The following JAZF1 variants were observed in gnomAD, a reference collection of about 807,000 sequenced individuals.
JAZF1 encodes the protein JAZF zinc finger 1.
JAZF1 carries 8 observed loss-of-function variants against 26.4 expected under a neutral mutation model. The observed-to-expected ratio is 0.30, with a 90% CI of 0.18 to 0.55. The LOEUF (loss-of-function observed/expected upper bound fraction) is 0.55, where lower values mean the gene tolerates loss of function less well. Ranked by LOEUF, JAZF1 falls within the 20% of genes least tolerant of loss-of-function variation. JAZF1 has a pLI of 0.94. For synonymous variants in JAZF1, 126 were observed against 122.3 expected (o/e 1.03, Z -0.20); for missense variants, 199 against 322.0 (o/e 0.62, Z 2.92).
At chr7:28,080,058 C>T (rs912663113) in intron 1 of JAZF1, among the ~76,000 whole-genome samples, 3 of 152,176 alleles carry the variant, frequency 2.0e-5, no homozygotes, top group Non-Finnish European at 4.4e-5. Context: ...TATTTTATTG[C>T]TAAAAAATAC....
At chr7:27,982,465 G>A (rs1430539848) in intron 2 of JAZF1, among the ~76,000 whole-genome samples, 3 of 152,212 alleles carry the variant, frequency 2.0e-5, no homozygotes, top group African/African-American at 4.8e-5. Flanking sequence ...GCTCGAACTC[G>A]GTGGAGGCCA....
At chr7:27,994,016 CT>C (rs897712585) in intron 1 of JAZF1, among the ~76,000 whole-genome samples, 20 of 150,660 alleles carry the variant, frequency 1.3e-4, no homozygotes, top group Non-Finnish European at 2.2e-4. Flanking sequence ...CTAAAGATTT[CT>C]TTTTTTCTCA....
At position 27,831,087 on chromosome 7, in the gene JAZF1, C is replaced by A. The variant is rs1215488476; in HGVS notation, c.*1713G>T. ...CTAGTTGCGTCTCATGTCTGGATCACCCTTTTAAACATAGGATAACACTGT... is the reference window on the plus strand; with the variant it reads ...CTAGTTGCGTCTCATGTCTGGATCAACCTTTTAAACATAGGATAACACTGT... On this transcript the variant is annotated 3_prime_UTR_variant, in exon 5 of 5. Transcript: ENST00000283928. 4.5e-6 allele frequency: 1 copy of A among 223,006 alleles called. No individual in the cohort carries two copies. The highest frequency in any genetic ancestry group is 9.0e-6 in the Non-Finnish European group (1 of 111,486). 13.8% of individuals were successfully genotyped at this position (223,006 alleles called of 1,614,324 possible). A position where few individuals can be genotyped will look rare whatever the true frequency, so the allele number is the denominator to read the frequency against.
In JAZF1 at chr7:27,832,186, A is replaced by ATAATATG. The variant is rs1782717434; in HGVS notation, c.*613_*614insCATATTA. On this transcript the variant is annotated 3_prime_UTR_variant, in exon 5 of 5. Transcript: ENST00000283928. ...TTTCAGCTTTTTAAAGGGCAAAAGG[A>ATAATATG]TTTGCAAGATAATATAAAACACAGA... 1 of 211,318 alleles carries ATAATATG rather than the reference A, an allele frequency of 4.7e-6. No individual in the cohort carries two copies. The highest frequency in any genetic ancestry group is 1.9e-4 in the South Asian group (1 of 5,340). 13.1% of individuals were successfully genotyped at this position (211,318 alleles called of 1,614,324 possible). A position where few individuals can be genotyped will look rare whatever the true frequency, so the allele number is the denominator to read the frequency against.
intron 1 of JAZF1, among the ~76,000 whole-genome samples, chr7:28,131,323 A>T (rs1782789935): frequency 2.0e-5 from 3 of 152,160 alleles, no homozygotes; most frequent in Non-Finnish European, 4.4e-5. Flanking sequence ...TAAAAAAAAA[A>T]AAATCTAAAT....
intron 3 of JAZF1, among the ~76,000 whole-genome samples, chr7:27,857,749 A>T (rs1359910912): frequency 6.6e-6 from 1 of 152,234 alleles, no homozygotes; most frequent in Non-Finnish European, 1.5e-5. Flanking sequence ...CTCTCAAAAT[A>T]ATAAGAGCTA....
At chr7:28,164,961 G>A (rs1484449719) in intron 1 of JAZF1, among the ~76,000 whole-genome samples, 2 of 152,168 alleles carry the variant, frequency 1.3e-5, no homozygotes, top group East Asian at 3.8e-4. Context: ...TTTAGCCCAG[G>A]AGTTTGAGAC....
chr7:28,086,869 G>C (rs1784219634), intron 1 of JAZF1, among the ~76,000 whole-genome samples: 1 of 152,096 alleles, frequency 6.6e-6, no homozygotes, highest in East Asian at 1.9e-4. Context: ...AATATCCTTA[G>C]AAGTAGAATT....
chr7:28,090,630 C>T (rs886794908), intron 1 of JAZF1, among the ~76,000 whole-genome samples: 3 of 152,162 alleles, frequency 2.0e-5, no homozygotes, highest in East Asian at 1.9e-4. Context: ...AGTACTCCCA[C>T]ATAATAGAGA....
intron 2 of JAZF1, among the ~76,000 whole-genome samples, chr7:27,921,851 T>A (rs1006035981): frequency 2.6e-5 from 4 of 152,108 alleles, no homozygotes; most frequent in Admixed American, 1.3e-4. Context: ...TGTAGTGAGA[T>A]CCTGTCTCTA....
chr7:27,917,201 G>A (rs749606250), intron 2 of JAZF1, among the ~76,000 whole-genome samples: 3 of 152,152 alleles, frequency 2.0e-5, no homozygotes, highest in Non-Finnish European at 4.4e-5. Context: ...TTATTTATCT[G>A]CATATTTCAG....
intron 1 of JAZF1, among the ~76,000 whole-genome samples, chr7:28,069,613 G>T (rs1032992541): frequency 3.9e-5 from 6 of 152,138 alleles, no homozygotes; most frequent in African/African-American, 1.2e-4. Flanking sequence ...CAGGTTCAAA[G>T]GGCAGAAGAG....
intron 2 of JAZF1, among the ~76,000 whole-genome samples, chr7:27,917,555 A>G (rs764224090): frequency 1.4e-4 from 22 of 152,134 alleles, no homozygotes; most frequent in Non-Finnish European, 2.8e-4. Context: ...AAGATTTACC[A>G]CCTGAACACA....
intron 3 of JAZF1, among the ~76,000 whole-genome samples, chr7:27,850,398 A>G (rs1783122593): frequency 6.6e-6 from 1 of 152,178 alleles, no homozygotes; most frequent in African/African-American, 2.4e-5. Flanking sequence ...TCTCCTCCTT[A>G]ACTATGGAAT....
intron 1 of JAZF1, among the ~76,000 whole-genome samples, chr7:28,131,396 G>T (rs1562597784): frequency 6.6e-6 from 1 of 151,522 alleles, no homozygotes; most frequent in Non-Finnish European, 1.5e-5. Flanking sequence ...GAAAATAACA[G>T]AAGATTCTCA....
intron 1 of JAZF1, among the ~76,000 whole-genome samples, chr7:28,111,152 T>G (rs980615090): frequency 6.6e-6 from 1 of 152,306 alleles, no homozygotes; most frequent in East Asian, 1.9e-4. Context: ...ATCAAAGTAT[T>G]CATAGATAAA....
At chr7:28,159,680 G>A (rs1321176407) in intron 1 of JAZF1, among the ~76,000 whole-genome samples, 9 of 152,150 alleles carry the variant, frequency 5.9e-5, no homozygotes, top group Non-Finnish European at 1.2e-4. Flanking sequence ...CCCAGGAGGA[G>A]GCTGCAGCAC....
At chr7:28,023,169 A>C (rs1003730520) in intron 1 of JAZF1, among the ~76,000 whole-genome samples, 1 of 152,198 alleles carries the variant, frequency 6.6e-6, no homozygotes, top group Admixed American at 6.5e-5. Context: ...ATGGCCTTGC[A>C]AGGACTCCAT....
chr7:27,880,036 C>G (rs958849003), intron 3 of JAZF1, among the ~76,000 whole-genome samples: 3 of 152,148 alleles, frequency 2.0e-5, no homozygotes, highest in Admixed American at 2.0e-4. Context: ...TTTTAAGAGG[C>G]ACAGCTACCA....
Sources: gnomAD v4.1 joint callset for allele counts (sites outside exome capture counted in the v4.1 genomes callset) on GRCh38, gnomAD v4.1.1 for gene constraint, MANE v1.5 for transcripts, NCBI Gene and HGNC (gene_info 2026-07-23, HGNC 2026-07-21) for gene names.